The following SYN2 variants were observed in gnomAD, a reference collection of about 807,000 sequenced individuals.
SYN2 encodes synapsin II, also known as synapsin-2.
SYN2 carries 19 observed loss-of-function variants against 50.9 expected under a neutral mutation model. That is an observed-to-expected ratio of 0.37 (90% confidence interval 0.26 to 0.55). The LOEUF (loss-of-function observed/expected upper bound fraction) is 0.55, where lower values mean the gene tolerates loss of function less well. SYN2 is among the 20% of genes least tolerant of loss of function. SYN2 has a pLI of 0.81. For missense variants in SYN2, 587 were observed against 576.4 expected (o/e 1.02, Z -0.19); for synonymous variants, 255 against 224.9 (o/e 1.13, Z -1.20).
intron 5 of SYN2, chr3:12,157,335 C>T (rs1697487388): frequency 6.4e-7 from 1 of 1,574,454 alleles, no homozygotes; most frequent in Non-Finnish European, 8.7e-7. Context: ...ACAGACTCCA[C>T]TTTCTCCATC....
chr3:12,140,768 A>G (rs1017703580), intron 2 of SYN2, 60 bp downstream of exon 2: 2 of 723,868 alleles, frequency 2.8e-6, no homozygotes, highest in Non-Finnish European at 5.2e-6. Flanking sequence ...TTGACATGCC[A>G]GAGTGAACCA....
rs1002808528 is a variant in SYN2 at position 12,070,686 on chromosome 3, A to G, written c.377+65758A>G. On this transcript the variant is annotated intron_variant, in intron 1 of 12. Coordinates refer to ENST00000621198, the MANE Select transcript of SYN2 (RefSeq NM_133625.6). ...CTATGCCTCTGGATGCACCACTGGC[A>G]TTGTTAATGGACCCTGGAGATGGGG... 10 of 1,135,648 alleles carry G rather than the reference A, an allele frequency of 8.8e-6. No homozygotes were observed. The African/African-American group carries it at 1.6e-4, about 18-fold the overall frequency. 70.3% of individuals were successfully genotyped at this position (1,135,648 alleles called of 1,614,324 possible). A position where few individuals can be genotyped will look rare whatever the true frequency, so the allele number is the denominator to read the frequency against.
At chr3:12,040,700 T>G (rs1559395787) in intron 1 of SYN2, among the ~76,000 whole-genome samples, 1 of 152,152 alleles carries the variant, frequency 6.6e-6, no homozygotes, top group African/African-American at 2.4e-5. Context: ...CTTTATAACT[T>G]TCATATATAT....
chr3:12,040,765 TG>T (rs1390187479), intron 1 of SYN2, among the ~76,000 whole-genome samples: 3 of 152,126 alleles, frequency 2.0e-5, no homozygotes, highest in African/African-American at 7.2e-5. Context: ...AAAAGAAAGA[TG>T]GAAGGATAGT....
chr3:12,140,532 G>A (rs1696990647), intron 1 of SYN2, 119 bp from the exon 2 acceptor site: 1 of 705,864 alleles, frequency 1.4e-6, no homozygotes, highest in Non-Finnish European at 2.6e-6. Flanking sequence ...TCAGAACCCA[G>A]GTCTCTTGAC....
chr3:12,177,515 G>A (rs569909487), intron 10 of SYN2, among the ~76,000 whole-genome samples: 1 of 152,156 alleles, frequency 6.6e-6, no homozygotes, highest in Non-Finnish European at 1.5e-5. Flanking sequence ...GGGCTGTCCA[G>A]TTAGGGAGGG....
intron 5 of SYN2, among the ~76,000 whole-genome samples, chr3:12,155,257 A>G (rs539477207): frequency 6.6e-6 from 1 of 152,356 alleles, no homozygotes; most frequent in Non-Finnish European, 1.5e-5. Flanking sequence ...GAGCTTAGAA[A>G]TGAGTAGGGT....
chr3:12,152,177 A>C (rs1264545296), intron 5 of SYN2, among the ~76,000 whole-genome samples: 4 of 152,188 alleles, frequency 2.6e-5, no homozygotes, highest in African/African-American at 7.2e-5. Flanking sequence ...TCTGCAAATC[A>C]AGAGCCTTCT....
At chr3:12,132,185 A>G (rs1696811032) in intron 1 of SYN2, among the ~76,000 whole-genome samples, 1 of 151,766 alleles carries the variant, frequency 6.6e-6, no homozygotes, top group African/African-American at 2.4e-5. Context: ...CTCTGATATT[A>G]ACCTTCAGAT....
intron 1 of SYN2, among the ~76,000 whole-genome samples, chr3:12,119,021 C>T (rs1402706341): frequency 6.6e-6 from 1 of 152,160 alleles, no homozygotes; most frequent in Non-Finnish European, 1.5e-5. Context: ...ATCTCATTTG[C>T]ACTTGTGGTT....
intron 1 of SYN2, among the ~76,000 whole-genome samples, chr3:12,035,155 C>T (rs1261247650): frequency 6.6e-6 from 1 of 152,298 alleles, no homozygotes; most frequent in Middle Eastern, 3.4e-3. Flanking sequence ...TCATGAATAA[C>T]GTTAAATCTT....
chr3:12,033,239 C>G (rs1694418498), intron 1 of SYN2, among the ~76,000 whole-genome samples: 1 of 152,182 alleles, frequency 6.6e-6, no homozygotes, highest in Non-Finnish European at 1.5e-5. Context: ...TCTGCCTGTT[C>G]TCAGATCTCC....
At chr3:12,099,717 C>T (rs999353334) in intron 1 of SYN2, among the ~76,000 whole-genome samples, 1 of 152,048 alleles carries the variant, frequency 6.6e-6, no homozygotes, top group Non-Finnish European at 1.5e-5. Flanking sequence ...GTAATCCCAG[C>T]ACTTTGGGAG....
At chr3:12,037,677 T>A (rs541504650) in intron 1 of SYN2, among the ~76,000 whole-genome samples, 2 of 152,322 alleles carry the variant, frequency 1.3e-5, no homozygotes, top group South Asian at 4.1e-4. Flanking sequence ...CCTGCTCCCA[T>A]GATAACAGCA....
In SYN2 at chr3:12,161,578, G is replaced by T. The variant is rs752362721; in HGVS notation, c.807G>T (p.Lys269Asn). Residue 269 changes from lysine (K) to asparagine (N), a missense_variant, in exon 6 of 13, where the codon AAG (lysine) becomes AAT (asparagine). Coordinates refer to ENST00000621198, the MANE Select transcript of SYN2 (RefSeq NM_133625.6). ...TGCCCACGTTCCCTGTGGTGGTGAA[G>T]ATTGGCCACGCTCACTCAGGCATGG... ...LTLPTFPVVV[K>N]IGHAHSGMGK... The T allele has an allele frequency of 1.1e-5, 18 of 1,613,920 alleles. No individual in the cohort carries two copies. Among genetic ancestry groups the T allele is most frequent in the Non-Finnish European group, 5.1e-6 (6 of 1,179,904 alleles).
rs185123478 is a variant in SYN2, at chr3:12,177,452, A to G, written c.1309-5860A>G. ...CTAAAATATGAGGTCTCCTGAGTGC[A>G]AGAAGACCAAGCCTAAGAAGGGGTT... On this transcript the variant is annotated intron_variant, in intron 10 of 12. Transcript: ENST00000621198. 6.7e-4 allele frequency among the ~76,000 whole-genome samples: 102 copies of G among 152,286 alleles called. 1 individual carries two copies. The highest frequency in any genetic ancestry group is 6.0e-3 in the East Asian group (31 of 5,178).
chr3:12,022,489 C>A (rs1441616765), intron 1 of SYN2, among the ~76,000 whole-genome samples: 2 of 152,068 alleles, frequency 1.3e-5, no homozygotes, highest in South Asian at 2.1e-4. Flanking sequence ...CTCACTGCAA[C>A]CTTTGCCTCT....
At chr3:12,046,278 G>A (rs1475114495) in intron 1 of SYN2, among the ~76,000 whole-genome samples, 2 of 152,130 alleles carry the variant, frequency 1.3e-5, no homozygotes, top group Non-Finnish European at 2.9e-5. Context: ...TTTAAAATGA[G>A]ACCTGAAGGA....
At chr3:12,122,659 A>T (rs1487724185) in intron 1 of SYN2, among the ~76,000 whole-genome samples, 2 of 152,182 alleles carry the variant, frequency 1.3e-5, no homozygotes, top group South Asian at 2.1e-4. Flanking sequence ...GAGAATTCAT[A>T]ACTACAGGCC....
Sources: gnomAD v4.1 joint callset for allele counts (sites outside exome capture counted in the v4.1 genomes callset) on GRCh38, gnomAD v4.1.1 for gene constraint, MANE v1.5 for transcripts, NCBI Gene and HGNC (gene_info 2026-07-23, HGNC 2026-07-21) for gene names.